TMEM232: variants seen among roughly 807,000 people sequenced by gnomAD.
TMEM232 encodes transmembrane protein 232.
A neutral mutation model predicts 78.8 loss-of-function variants in TMEM232; 80 were observed. That is an observed-to-expected ratio of 1.01 (90% CI 0.85 to 1.22). The LOEUF is 1.22. Ranked by LOEUF, TMEM232 falls within the 50% of genes most tolerant of loss-of-function variation. TMEM232 has a pLI of 0.00. For missense variants in TMEM232, 881 were observed against 742.2 expected (o/e 1.19, Z -2.17); for synonymous variants, 297 against 254.3 (o/e 1.17, Z -1.60).
intron 2 of TMEM232, among the ~76,000 whole-genome samples, chr5:110,733,381 G>T (rs1475082903): frequency 6.6e-6 from 1 of 152,064 alleles, no homozygotes; most frequent in East Asian, 1.9e-4. Flanking sequence ...CTACAATAAA[G>T]ACACATGCAC....
intron 1 of TMEM232, among the ~76,000 whole-genome samples, chr5:110,695,941 T>G (rs184500327): frequency 3.8e-4 from 58 of 152,288 alleles, no homozygotes; most frequent in African/African-American, 1.3e-3. Flanking sequence ...GAATCCTCCC[T>G]AACTCATTTT....
chr5:110,476,012 G>T (rs1763217184), intron 12 of TMEM232, among the ~76,000 whole-genome samples: 2 of 151,790 alleles, frequency 1.3e-5, no homozygotes, highest in African/African-American at 4.8e-5. Flanking sequence ...CTTTGATAAA[G>T]ACCATATATT....
At chr5:110,697,562 T>C (rs1794944545) in intron 1 of TMEM232, among the ~76,000 whole-genome samples, 1 of 152,134 alleles carries the variant, frequency 6.6e-6, no homozygotes, top group Non-Finnish European at 1.5e-5. Context: ...GACAAAGGGC[T>C]AATATCCAGA....
At chr5:110,706,029 G>T (rs930418480) in intron 1 of TMEM232, among the ~76,000 whole-genome samples, 10 of 151,902 alleles carry the variant, frequency 6.6e-5, no homozygotes, top group African/African-American at 2.4e-4. Flanking sequence ...GCTATTTGGT[G>T]TAATACTGGC....
intron 12 of TMEM232, among the ~76,000 whole-genome samples, chr5:110,486,236 A>C (rs1224557335): frequency 6.6e-6 from 1 of 151,532 alleles, no homozygotes; most frequent in Non-Finnish European, 1.5e-5. Context: ...TCAGATGTAT[A>C]GATTGTGAAG....
intron 12 of TMEM232, among the ~76,000 whole-genome samples, chr5:110,482,933 A>G (rs1764042464): frequency 6.6e-6 from 1 of 150,546 alleles, no homozygotes; most frequent in Admixed American, 6.6e-5. Flanking sequence ...AATACTAACA[A>G]GAGTCCAGGA....
At chr5:110,490,777 A>C (rs1395724883) in intron 12 of TMEM232, among the ~76,000 whole-genome samples, 2 of 152,090 alleles carry the variant, frequency 1.3e-5, no homozygotes, top group African/African-American at 4.8e-5. Flanking sequence ...ATCCACTTAC[A>C]AAAAAATGAA....
intron 12 of TMEM232, among the ~76,000 whole-genome samples, chr5:110,470,534 T>C (rs1324239839): frequency 6.6e-6 from 1 of 152,038 alleles, no homozygotes; most frequent in Non-Finnish European, 1.5e-5. Flanking sequence ...AGTCTCCCCA[T>C]TGTGGGAAAT....
intron 12 of TMEM232, among the ~76,000 whole-genome samples, chr5:110,495,367 G>C (rs1054366029): frequency 6.6e-6 from 1 of 151,998 alleles, no homozygotes; most frequent in Middle Eastern, 3.4e-3. Flanking sequence ...ACTGGGGAAG[G>C]ATCTCAACAT....
intron 11 of TMEM232, among the ~76,000 whole-genome samples, chr5:110,565,911 C>T (rs1776289616): frequency 1.3e-5 from 2 of 151,802 alleles, no homozygotes; most frequent in Admixed American, 1.3e-4. Flanking sequence ...AGTCAATTTT[C>T]ATCATTTATA....
intron 12 of TMEM232, among the ~76,000 whole-genome samples, chr5:110,482,708 AC>A (rs1475715102): frequency 2.0e-5 from 3 of 151,752 alleles, no homozygotes; most frequent in African/African-American, 7.3e-5. Context: ...AAACCCGTAA[AC>A]ATGAATGAGT....
chr5:110,421,521 T>C (rs1017353085), intron 13 of TMEM232, among the ~76,000 whole-genome samples: 3 of 152,062 alleles, frequency 2.0e-5, no homozygotes, highest in Admixed American at 2.0e-4. Context: ...GGGTAAAACA[T>C]TCAGGGCAGA....
intron 1 of TMEM232, among the ~76,000 whole-genome samples, chr5:110,696,208 G>A (rs1445847292): frequency 6.6e-6 from 1 of 152,144 alleles, no homozygotes; most frequent in East Asian, 1.9e-4. Context: ...AAAATCACAT[G>A]ATTATCTCAA....
chr5:110,430,557 C>T (rs1408206715), intron 12 of TMEM232, among the ~76,000 whole-genome samples: 1 of 151,642 alleles, frequency 6.6e-6, no homozygotes, highest in Non-Finnish European at 1.5e-5. Context: ...TAGAACTTAA[C>T]AATACAGACA....
intron 8 of TMEM232, among the ~76,000 whole-genome samples, chr5:110,614,399 T>C (rs1412153262): frequency 6.6e-6 from 1 of 152,080 alleles, no homozygotes; most frequent in African/African-American, 2.4e-5. Flanking sequence ...ATTTTTAAAA[T>C]AAGAAGAGTT....
At chr5:110,443,291 C>T (rs1473798505) in intron 12 of TMEM232, among the ~76,000 whole-genome samples, 1 of 152,128 alleles carries the variant, frequency 6.6e-6, no homozygotes, top group Non-Finnish European at 1.5e-5. Context: ...GGCACTCAAA[C>T]TACAATGCAA....
intron 5 of TMEM232, among the ~76,000 whole-genome samples, chr5:110,632,135 T>C (rs1403816354): frequency 1.3e-5 from 2 of 152,084 alleles, no homozygotes; most frequent in East Asian, 1.9e-4. Flanking sequence ...TAGATACCAC[T>C]GATGCTGTTT....
intron 5 of TMEM232, among the ~76,000 whole-genome samples, chr5:110,630,550 C>A (rs546928906): frequency 1.3e-5 from 2 of 152,060 alleles, no homozygotes; most frequent in East Asian, 3.9e-4. Context: ...ATGTTGTGTG[C>A]GGCACTTCCC....
At chr5:110,645,245 T>C (rs1411594774) in intron 2 of TMEM232, among the ~76,000 whole-genome samples, 1 of 151,692 alleles carries the variant, frequency 6.6e-6, no homozygotes, top group Non-Finnish European at 1.5e-5. Context: ...ATCAACTTGA[T>C]ACTCAAACTG....
Sources: gnomAD v4.1 joint callset for allele counts (sites outside exome capture counted in the v4.1 genomes callset) on GRCh38, gnomAD v4.1.1 for gene constraint, MANE v1.5 for transcripts, NCBI Gene and HGNC (gene_info 2026-07-23, HGNC 2026-07-21) for gene names.